The following CADM2 variants were observed in gnomAD, a reference collection of about 807,000 sequenced individuals.
CADM2 encodes immunoglobulin superfamily member 4D.
In CADM2, 12 loss-of-function variants were observed where a neutral mutation model predicts 49.8. That is an observed-to-expected ratio of 0.24 (90% CI 0.15 to 0.39). CADM2 has a LOEUF of 0.39. CADM2 is among the 10% of genes least tolerant of loss of function. The pLI, the probability that CADM2 is intolerant of heterozygous loss-of-function variation, is 1.00. For missense variants in CADM2, 378 were observed against 492.3 expected (o/e 0.77, Z 2.20); for synonymous variants, 214 against 175.4 (o/e 1.22, Z -1.74).
intron 1 of CADM2, among the ~76,000 whole-genome samples, chr3:85,694,966 A>G (rs1426991399): frequency 6.6e-6 from 1 of 152,144 alleles, no homozygotes; most frequent in Non-Finnish European, 1.5e-5. Context: ...AGATACATGC[A>G]ATGATAACTA....
At position 85,971,291 on chromosome 3, in the gene CADM2, C is replaced by T. The variant is rs375941015; in HGVS notation, c.970+9644C>T. 1.7e-4 allele frequency among the ~76,000 whole-genome samples: 26 copies of T among 151,570 alleles called. No homozygotes were observed. In the South Asian group the frequency reaches 5.0e-3, roughly 29 times the overall value. ...TCATTTTTTGAGTGAAGGTGTTTTG[C>T]TTTTAGAAGATCAACTCTGATCCAT... On this transcript the variant is annotated intron_variant, in intron 8 of 9. Coordinates refer to ENST00000383699, the MANE Select transcript of CADM2 (RefSeq NM_001167675.2).
intron 2 of CADM2, among the ~76,000 whole-genome samples, chr3:85,771,316 C>A (rs6549053): frequency 0.65 from 99,207 of 151,868 alleles, 32,734 homozygotes; most frequent in East Asian, 0.77. Context: ...AAATTAAATA[C>A]AAATTAATGT....
chr3:85,701,858 A>AAGATAGAT lies in CADM2; in HGVS notation c.62-24618_62-24611dup, dbSNP rs56934991. 6.6e-3 allele frequency among the ~76,000 whole-genome samples: 963 copies of AAGATAGAT among 146,824 alleles called. 6 individuals are homozygous for AAGATAGAT. Among genetic ancestry groups the AAGATAGAT allele is most frequent in the East Asian group, 0.013 (64 of 4,954 alleles). On this transcript the variant is annotated intron_variant, in intron 1 of 9. Coordinates refer to ENST00000383699, the MANE Select transcript of CADM2 (RefSeq NM_001167675.2). ...AAATTGGTAAATGTGTCTGTTGTAA[A>AAGATAGAT]AGATAGATAGATAGATAGATAGATA...
chr3:85,003,747 CTTTGTAAAGAAAAAATGATAATGAAAA>C (rs2033586237), intron 1 of CADM2, among the ~76,000 whole-genome samples: 1 of 151,986 alleles, frequency 6.6e-6, no homozygotes, highest in Admixed American at 6.6e-5. Flanking sequence ...CTATTGAAAA[CTTTGTAAAGAAAAAATGATAATGAAAA>C]CCCTATTTTT....
chr3:85,752,779 C>A (rs1408412974), intron 2 of CADM2, among the ~76,000 whole-genome samples: 1 of 151,810 alleles, frequency 6.6e-6, no homozygotes, highest in Non-Finnish European at 1.5e-5. Context: ...ACAAAAGTTT[C>A]AACACATAAA....
chr3:85,303,170 A>G (rs2044140451), intron 1 of CADM2, among the ~76,000 whole-genome samples: 1 of 151,984 alleles, frequency 6.6e-6, no homozygotes, highest in Non-Finnish European at 1.5e-5. Flanking sequence ...CTTCCTTAGC[A>G]TGACATTCTT....
chr3:85,292,380 C>T lies in CADM2; in HGVS notation c.61+332712C>T, dbSNP rs1198470567. Among the ~76,000 whole-genome samples, 105 of 150,636 alleles carry T rather than the reference C, an allele frequency of 7.0e-4. 2 individuals carry two copies. Among genetic ancestry groups the T allele is most frequent in the Admixed American group, 1.1e-3 (16 of 15,172 alleles). Reference sequence around the variant, plus strand: ...CCACTGTCAACATTAGACAGATCAACGAGACAGAAAGTCAACAAGGATACC... The same window carrying T: ...CCACTGTCAACATTAGACAGATCAATGAGACAGAAAGTCAACAAGGATACC... On this transcript the variant is annotated intron_variant, in intron 1 of 9. Coordinates refer to ENST00000383699, the MANE Select transcript of CADM2 (RefSeq NM_001167675.2).
At position 85,855,785 on chromosome 3, in the gene CADM2, C is replaced by G. The variant is rs916884165; in HGVS notation, c.239-27506C>G. Among the ~76,000 whole-genome samples the G allele has an allele frequency of 2.0e-5, 3 of 151,494 alleles. No individual in the cohort carries two copies. In the South Asian group the frequency reaches 6.2e-4, roughly 32 times the overall value. ...GGGACTACAGGTGCCTGCCACCATG[C>G]CTGGCTAATTGTTTGTATTTTTAGT... is the stretch of plus-strand genomic sequence containing the variant. On this transcript the variant is annotated intron_variant, in intron 3 of 9. Transcript: ENST00000383699.
intron 3 of CADM2, among the ~76,000 whole-genome samples, chr3:85,841,170 T>A (rs1559694624): frequency 6.6e-6 from 1 of 152,020 alleles, no homozygotes; most frequent in South Asian, 2.1e-4. Flanking sequence ...ACTTTTCAGA[T>A]AGAAATTTGA....
chr3:85,971,696 T>C (rs531883240), intron 8 of CADM2, among the ~76,000 whole-genome samples: 2 of 151,772 alleles, frequency 1.3e-5, no homozygotes, highest in African/African-American at 4.8e-5. Flanking sequence ...CTAAATGATA[T>C]AGGATAATCC....
chr3:85,611,757 G>A (rs1164961599), intron 1 of CADM2, among the ~76,000 whole-genome samples: 1 of 150,678 alleles, frequency 6.6e-6, no homozygotes, highest in Non-Finnish European at 1.5e-5. Context: ...AGCCGTTGAA[G>A]CACACACAAT....
chr3:84,964,235 T>A (rs2030800017), intron 1 of CADM2, among the ~76,000 whole-genome samples: 1 of 152,120 alleles, frequency 6.6e-6, no homozygotes, highest in South Asian at 2.1e-4. Flanking sequence ...AAGAAAAAAA[T>A]ACTTAAATCA....
chr3:85,545,672 A>G (rs1179389627), intron 1 of CADM2, among the ~76,000 whole-genome samples: 8 of 152,126 alleles, frequency 5.3e-5, no homozygotes, highest in Non-Finnish European at 1.2e-4. Context: ...TGCATCCAAT[A>G]TGGACCGAAT....
chr3:85,258,717 A>T (rs1040596682), intron 1 of CADM2, among the ~76,000 whole-genome samples: 1 of 152,090 alleles, frequency 6.6e-6, no homozygotes, highest in African/African-American at 2.4e-5. Context: ...ACACTTTAGA[A>T]GTTGGGCTCT....
intron 2 of CADM2, among the ~76,000 whole-genome samples, chr3:85,768,713 CACACATATAGTATATAT>C (rs1351587761): frequency 6.9e-6 from 1 of 144,270 alleles, no homozygotes; most frequent in East Asian, 2.0e-4. Context: ...TACACATATA[CACACATATAGTATATAT>C]ACACATATAT....
chr3:85,246,302 G>T (rs2042644065), intron 1 of CADM2, among the ~76,000 whole-genome samples: 1 of 152,006 alleles, frequency 6.6e-6, no homozygotes, highest in Non-Finnish European at 1.5e-5. Context: ...GTTGTGGGGT[G>T]GGGGAAGGGG....
intron 3 of CADM2, among the ~76,000 whole-genome samples, chr3:85,846,824 A>G (rs1377164236): frequency 6.6e-6 from 1 of 152,168 alleles, no homozygotes. Flanking sequence ...ATCATGCCAC[A>G]GTACTCCAGT....
intron 1 of CADM2, among the ~76,000 whole-genome samples, chr3:85,301,408 T>C (rs2044097868): frequency 6.6e-6 from 1 of 152,028 alleles, no homozygotes; most frequent in Admixed American, 6.6e-5. Context: ...GATGAGATTA[T>C]AAATAGAAAG....
chr3:85,427,720 A>T (rs866763519), intron 1 of CADM2, among the ~76,000 whole-genome samples: 8 of 152,114 alleles, frequency 5.3e-5, no homozygotes, highest in African/African-American at 1.9e-4. Flanking sequence ...CCAACAAATC[A>T]TCTATTTCAT....
Sources: allele counts gnomAD v4.1 joint callset (sites outside exome capture counted in the v4.1 genomes callset), GRCh38; gene constraint gnomAD v4.1.1; transcripts MANE v1.5; gene names NCBI Gene and HGNC (gene_info 2026-07-23, HGNC 2026-07-21).